NEFM: variants seen among roughly 807,000 people sequenced by gnomAD.
The protein encoded by NEFM is neurofilament medium chain.
NEFM carries 16 observed loss-of-function variants against 48.1 expected under a neutral mutation model. The observed-to-expected ratio is 0.33, with a 90% CI of 0.23 to 0.51. The LOEUF (loss-of-function observed/expected upper bound fraction) is 0.51, where lower values mean the gene tolerates loss of function less well. Among genes scored for constraint, NEFM ranks in the 20% least tolerant of loss-of-function variants. The pLI, the probability that NEFM is intolerant of heterozygous loss-of-function variation, is 0.98. For synonymous variants in NEFM, 465 were observed against 456.9 expected (o/e 1.02, Z -0.23); for missense variants, 1,107 against 1,136.0 (o/e 0.97, Z 0.37).
In NEFM at chr8:24,917,775, G is replaced by C. The variant is rs1350241094; in HGVS notation, c.1920G>C (p.Lys640Asn). 4 of 1,613,622 alleles carry C rather than the reference G, an allele frequency of 2.5e-6. No individual in the cohort carries two copies. Among genetic ancestry groups the C allele is most frequent in the Non-Finnish European group, 3.4e-6 (4 of 1,179,864 alleles). ...VPKSPVEEKG[K>N]SPVPKSPVEE... is the part of the protein sequence containing the mutation. ...AGTCACCAGTGGAAGAGAAAGGCAA[G>C]TCTCCTGTGCCCAAGTCACCAGTGG... The change falls in exon 3 of 3, where the codon AAG becomes AAC. Residue 640 changes from lysine (K) to asparagine (N), a missense_variant. Physicochemically the swap from Lys to Asn is moderately conservative, Grantham distance 94. This residue lies in a region of NEFM where 917 missense variants were observed against 916.4 expected (regional missense o/e 1.00). Coordinates refer to ENST00000221166, the MANE Select transcript of NEFM (RefSeq NM_005382.2).
Position 24,918,767 on chromosome 8 carries a change from T to G in NEFM, c.*161T>G. ...CATGCAAGCTCAGGGTGCTCCCTCCTCAGTCTTTGGGGGATTCAAATGCAT... is the reference window on the plus strand; with the variant it reads ...CATGCAAGCTCAGGGTGCTCCCTCCGCAGTCTTTGGGGGATTCAAATGCAT... On this transcript the variant is annotated 3_prime_UTR_variant, in exon 3 of 3. Coordinates refer to ENST00000221166, the MANE Select transcript of NEFM (RefSeq NM_005382.2). 1.5e-6 allele frequency: 1 copy of G among 677,976 alleles called. No homozygotes were observed. The highest frequency in any genetic ancestry group is 2.6e-6 in the Non-Finnish European group (1 of 380,044). 42.0% of individuals were successfully genotyped at this position (677,976 alleles called of 1,614,324 possible). A position where few individuals can be genotyped will look rare whatever the true frequency, so the allele number is the denominator to read the frequency against.
chr8:24,915,832 T>C, intron 2 of NEFM, 103 bp downstream of exon 2: 2 of 1,459,904 alleles, frequency 1.4e-6, no homozygotes, highest in East Asian at 2.3e-5. Context: ...GGTGCAGGCA[T>C]CAACTCAGCA....
chr8:24,914,589 A>G lies in NEFM; in HGVS notation c.796A>G (p.Ile266Val), dbSNP rs1802544156. 6.2e-7 allele frequency: 1 copy of G among 1,614,058 alleles called. No individual in the cohort carries two copies. The highest frequency in any genetic ancestry group is 1.7e-5 in the Admixed American group (1 of 60,010). Residue 266 changes from isoleucine (I) to valine (V), a missense_variant, in exon 1 of 3, where the codon ATC becomes GTC. Ile to Val is a conservative substitution (Grantham distance 29). Coordinates refer to ENST00000221166, the MANE Select transcript of NEFM (RefSeq NM_005382.2). ...GCGCAAAGACTACCTGAAGACAGAC[A>G]TCTCGACGGCGCTGAAGGAAATCCG... is the stretch of plus-strand genomic sequence containing the variant. ...VERKDYLKTD[I>V]STALKEIRSQ...
Position 24,913,766 on chromosome 8 carries a change from G to A in NEFM, c.-28G>A. On this transcript the variant is annotated 5_prime_UTR_variant, in exon 1 of 3. Transcript: ENST00000221166. ...TGCGGCGAGGCCGGCAGAACGCTGT[G>A]ACAGCCACACGCCCCAAGGCCTCCA... The A allele has an allele frequency of 6.3e-7, 1 of 1,593,820 alleles. No individual in the cohort carries two copies. Among genetic ancestry groups the A allele is most frequent in the Non-Finnish European group, 8.5e-7 (1 of 1,171,304 alleles).
In NEFM at chr8:24,918,708, A is replaced by G. The variant is rs1802621660; in HGVS notation, c.*102A>G. On this transcript the variant is annotated 3_prime_UTR_variant, in exon 3 of 3. Coordinates refer to ENST00000221166, the MANE Select transcript of NEFM (RefSeq NM_005382.2). ...GGGTTCTCCCATGGGGGCTCCAGAC[A>G]TTGTATTTTACTTTGTGCAATATGA... 3.4e-6 allele frequency: 3 copies of G among 872,688 alleles called. No homozygotes were observed. The highest frequency in any genetic ancestry group is 2.4e-5 in the East Asian group (1 of 41,638). 54.1% of individuals were successfully genotyped at this position (872,688 alleles called of 1,614,324 possible).
In NEFM at chr8:24,917,764, G is replaced by A. The variant is rs745834814; in HGVS notation, c.1909G>A (p.Glu637Lys). ...KSPVPKSPVE[E>K]KGKSPVPKSP... The stretch of plus-strand genomic sequence containing the variant: ...TCCTGTGCCCAAGTCACCAGTGGAA[G>A]AGAAAGGCAAGTCTCCTGTGCCCAA... The change falls in exon 3 of 3, where the codon GAG (glutamate) becomes AAG (lysine). Residue 637 changes from glutamate to lysine, a missense_variant. Coordinates refer to ENST00000221166, the MANE Select transcript of NEFM (RefSeq NM_005382.2). The A allele has an allele frequency of 3.7e-6, 6 of 1,613,836 alleles. No individual in the cohort carries two copies. Among genetic ancestry groups the A allele is most frequent in the Non-Finnish European group, 5.1e-6 (6 of 1,179,904 alleles).
chr8:24,916,789 C>G (rs1053499865), intron 2 of NEFM, among the ~76,000 whole-genome samples: 3 of 152,122 alleles, frequency 2.0e-5, no homozygotes, highest in Non-Finnish European at 4.4e-5. Flanking sequence ...AGGGCCAAGA[C>G]TTAGTAGCTG....
Position 24,915,624 on chromosome 8 carries a change from A to G in NEFM, c.1100A>G (p.Glu367Gly). 1 of 1,614,054 alleles carries G rather than the reference A, an allele frequency of 6.2e-7. No individual in the cohort carries two copies. Residue 367 changes from glutamate to glycine, a missense_variant, in exon 2 of 3, where the codon GAA becomes GGA. Glu to Gly is a moderately conservative substitution (Grantham distance 98). Around this residue, in one of 3 missense-constraint regions of NEFM, gnomAD observed 917 missense variants for 916.4 expected, o/e 1.00. Coordinates refer to ENST00000221166, the MANE Select transcript of NEFM (RefSeq NM_005382.2). ...SSYQDTIQQL[E>G]NELRGTKWEM... is the part of the protein sequence containing the mutation. ...TTTCAGGACACCATCCAGCAGCTGG[A>G]AAATGAGCTTCGGGGCACAAAGTGG...
rs772546961 is a variant in NEFM, at chr8:24,914,468, G to A, written c.675G>A (p.Gln225=). The A allele has an allele frequency of 1.6e-5, 26 of 1,613,960 alleles. 1 individual carries two copies. The South Asian group carries it at 2.3e-4, about 14-fold the overall frequency. The change falls in exon 1 of 3, where the codon CAG becomes CAA. Residue 225 remains glutamine, a synonymous_variant. Transcript: ENST00000221166. ...AGGTGGAGCTGGACAAGAAGGTGCA[G>A]TCGCTGCAGGATGAGGTGGCCTTCC... ...LVKVELDKKV[Q]SLQDEVAFLR...
At position 24,913,937 on chromosome 8, in the gene NEFM, G is replaced by C; in HGVS notation, c.144G>C (p.Val48=). 6.2e-7 allele frequency: 1 copy of C among 1,611,504 alleles called. No individual in the cohort carries two copies. The highest frequency in any genetic ancestry group is 8.5e-7 in the Non-Finnish European group (1 of 1,179,384). ...QSWSRGSPST[V]SSSYKRSMLA... ...GGTCCCGCGGCTCGCCCAGCACCGT[G>C]TCCTCCTCCTATAAGCGCAGCATGC... Residue 48 remains valine, a synonymous_variant, in exon 1 of 3, where the codon GTG becomes GTC. Coordinates refer to ENST00000221166, the MANE Select transcript of NEFM (RefSeq NM_005382.2).
rs748520435 is a variant in NEFM, at chr8:24,918,460, G to A, written c.2605G>A (p.Ala869Thr). Residue 869 changes from alanine (A) to threonine (T), a missense_variant, in exon 3 of 3, where the codon GCT (alanine) becomes ACT (threonine). Physicochemically the swap from Ala to Thr is moderately conservative, Grantham distance 58. Around this residue, in one of 3 missense-constraint regions of NEFM, gnomAD observed 917 missense variants for 916.4 expected, o/e 1.00. Transcript: ENST00000221166. ...EKITSEGGDG[A>T]TKYITKSVTV... ...AATCACCAGTGAGGGGGGAGATGGT[G>A]CTACCAAATACATCACTAAATCTGT... The A allele has an allele frequency of 1.9e-6, 3 of 1,614,150 alleles. No individual in the cohort carries two copies. The highest frequency in any genetic ancestry group is 4.5e-5 in the East Asian group (2 of 44,874).
rs1234480820 is a variant in NEFM, at chr8:24,918,338, G to C, written c.2483G>C (p.Gly828Ala). ...GGCAGTGGGAGGGAAGAGGAGAAAG[G>C]CGTTGTCACCAATGGCCTAGACTTG... ...EKGSGREEEK[G>A]VVTNGLDLSP... is the part of the protein sequence containing the mutation. The change falls in exon 3 of 3, where the codon GGC becomes GCC. Residue 828 changes from glycine to alanine, a missense_variant. By Grantham distance (60) the Gly-to-Ala change is moderately conservative. This residue lies in a region of NEFM where 917 missense variants were observed against 916.4 expected (regional missense o/e 1.00). Transcript: ENST00000221166. 20 of 1,613,610 alleles carry C rather than the reference G, an allele frequency of 1.2e-5. No individual in the cohort carries two copies. Among genetic ancestry groups the C allele is most frequent in the Non-Finnish European group, 1.6e-5 (19 of 1,179,748 alleles).
At chr8:24,915,233 CG>C in intron 1 of NEFM, 1 of 1,265,610 alleles carries the variant, frequency 7.9e-7, no homozygotes, top group Non-Finnish European at 1.0e-6. Flanking sequence ...TCTACTTTTC[CG>C]GCAGTGATCG....
rs1802620360 is a variant in NEFM, at chr8:24,918,628, G to A, written c.*22G>A. On this transcript the variant is annotated 3_prime_UTR_variant, in exon 3 of 3. Transcript: ENST00000221166. ...CTAAGATTTGAGTCCATTGCAAAAG[G>A]TTAAGCCATATGACAATTTCAAAAT... 6.4e-7 allele frequency: 1 copy of A among 1,550,950 alleles called. No homozygotes were observed. The highest frequency in any genetic ancestry group is 8.9e-7 in the Non-Finnish European group (1 of 1,128,054).
In NEFM at chr8:24,917,325, A is replaced by T. The variant is rs752774150; in HGVS notation, c.1470A>T (p.Glu490Asp). ...LAVSMKEEKK[E>D]AAEEKEEEPE... ...TTTCCATGAAGGAAGAGAAGAAAGA[A>T]GCAGCAGAAGAAAAGGAAGAGGAAC... is the stretch of plus-strand genomic sequence containing the variant. Residue 490 changes from glutamate to aspartate, a missense_variant, in exon 3 of 3, where the codon GAA (glutamate) becomes GAT (aspartate). Physicochemically the swap from Glu to Asp is conservative, Grantham distance 45 (BLOSUM62 2). Transcript: ENST00000221166. The T allele has an allele frequency of 6.2e-7, 1 of 1,613,572 alleles. No individual in the cohort carries two copies. The highest frequency in any genetic ancestry group is 8.5e-7 in the Non-Finnish European group (1 of 1,179,742).
chr8:24,917,110 A>C lies in NEFM; in HGVS notation c.1255A>C (p.Ile419Leu), dbSNP rs1222292391. Residue 419 changes from isoleucine (I) to leucine (L), a missense_variant, in exon 3 of 3, where the codon ATC (isoleucine) becomes CTC (leucine). Physicochemically the swap from Ile to Leu is conservative, Grantham distance 5 (BLOSUM62 2). Transcript: ENST00000221166. ...ETRFSTFAGS[I>L]TGPLYTHRPP... ...TAGATTTAGCACATTTGCAGGAAGC[A>C]TCACTGGGCCACTGTATACACACCG... 3 of 1,614,088 alleles carry C rather than the reference A, an allele frequency of 1.9e-6. No homozygotes were observed. The African/African-American group carries it at 4.0e-5, about 22-fold the overall frequency.
At position 24,918,548 on chromosome 8, in the gene NEFM, A is replaced by G; in HGVS notation, c.2693A>G (p.Lys898Arg). The change falls in exon 3 of 3, where the codon AAA (lysine) becomes AGA (arginine). Residue 898 changes from lysine (K) to arginine (R), a missense_variant. By Grantham distance (26) the Lys-to-Arg change is conservative. Coordinates refer to ENST00000221166, the MANE Select transcript of NEFM (RefSeq NM_005382.2). Reference sequence around the variant, plus strand: ...TTTGAGGAGAAACTAGTGTCTACTAAAAAGGTAGAAAAAGTCACTTCACAC... The same window carrying G: ...TTTGAGGAGAAACTAGTGTCTACTAGAAAGGTAGAAAAAGTCACTTCACAC... ...ETFEEKLVSTKKVEKVTSHAI... is the reference protein window; with the variant it reads ...ETFEEKLVSTRKVEKVTSHAI... The G allele has an allele frequency of 1.2e-6, 2 of 1,613,628 alleles. No individual in the cohort carries two copies. Among genetic ancestry groups the G allele is most frequent in the Non-Finnish European group, 1.7e-6 (2 of 1,180,020 alleles).
chr8:24,915,322 A>G, intron 1 of NEFM: 1 of 1,288,268 alleles, frequency 7.8e-7, no homozygotes, highest in Middle Eastern at 3.1e-4. Flanking sequence ...TTCCCCATGC[A>G]TGTTTGTGTC....
At chr8:24,914,914 G>C in intron 1 of NEFM, 41 bp downstream of exon 1, 1 of 1,541,640 alleles carries the variant, frequency 6.5e-7, no homozygotes, top group Non-Finnish European at 8.7e-7. Context: ...GCCAGCGCCA[G>C]CGCCGCGCGC....
Sources: allele counts gnomAD v4.1 joint callset (sites outside exome capture counted in the v4.1 genomes callset), GRCh38; gene constraint gnomAD v4.1.1; regional missense constraint gnomAD v4.1.1; transcripts MANE v1.5; gene names NCBI Gene and HGNC (gene_info 2026-07-23, HGNC 2026-07-21).